The following DCTN2 variants were observed in gnomAD, a reference collection of about 807,000 sequenced individuals.
The protein encoded by DCTN2 is 50 kDa dynein-associated polypeptide.
A neutral mutation model predicts 55.4 loss-of-function variants in DCTN2; 18 were observed. The ratio of observed to expected loss-of-function variants is 0.32; its 90% CI spans 0.22 to 0.48. The LOEUF (loss-of-function observed/expected upper bound fraction) is 0.48. DCTN2 is among the 20% of genes least tolerant of loss of function. The pLI is 0.99. For synonymous variants in DCTN2, 168 were observed against 185.2 expected (o/e 0.91, Z 0.76); for missense variants, 390 against 491.0 (o/e 0.79, Z 1.94).
At chr12:57,540,227 C>A (rs1880588279) in intron 2 of DCTN2, 2 of 754,752 alleles carry the variant, frequency 2.6e-6, no homozygotes, top group Non-Finnish European at 3.2e-6. Context: ...CAAGCTAAAA[C>A]CAGCTTGGGA....
At chr12:57,533,782 AAAAAG>A (rs995213328) in intron 7 of DCTN2, among the ~76,000 whole-genome samples, 166 bp downstream of exon 7, 2 of 152,062 alleles carry the variant, frequency 1.3e-5, no homozygotes, top group East Asian at 1.9e-4. Context: ...AAAAAAAAAA[AAAAAG>A]AAAGAAACAT....
chr12:57,546,528 G>A (rs1191768636), intron 1 of DCTN2, among the ~76,000 whole-genome samples: 1 of 152,102 alleles, frequency 6.6e-6, no homozygotes, highest in Non-Finnish European at 1.5e-5. Flanking sequence ...ACAAAAGGAA[G>A]GTACACGCCA....
chr12:57,531,114 T>G (rs1306159632), intron 13 of DCTN2, among the ~76,000 whole-genome samples: 1 of 152,214 alleles, frequency 6.6e-6, no homozygotes, highest in African/African-American at 2.4e-5. Flanking sequence ...AGGAAAAGGA[T>G]ATTATTCTAA....
chr12:57,543,198 A>G (rs889939371), intron 2 of DCTN2: 40 of 361,620 alleles, frequency 1.1e-4, no homozygotes, highest in South Asian at 8.2e-4. Context: ...AATACAAGAA[A>G]ATTAGCCGGG....
At chr12:57,544,980 C>G (rs1475238744) in intron 2 of DCTN2, among the ~76,000 whole-genome samples, 1 of 152,144 alleles carries the variant, frequency 6.6e-6, no homozygotes, top group Admixed American at 6.5e-5. Context: ...AGGTGTTTCC[C>G]ACAATGTAAG....
chr12:57,530,503 A>G lies in DCTN2; in HGVS notation c.*186T>C. On this transcript the variant is annotated 3_prime_UTR_variant, in exon 14 of 14. Coordinates refer to ENST00000548249, the MANE Select transcript of DCTN2 (RefSeq NM_001261413.2). ...GGAGACCACCTTCTGATGATAACCAACCCCTAGCTACCACTCTGTATTCAT... is the reference window on the plus strand; with the variant it reads ...GGAGACCACCTTCTGATGATAACCAGCCCCTAGCTACCACTCTGTATTCAT... The G allele has an allele frequency of 1.9e-6, 1 of 514,450 alleles. No individual in the cohort carries two copies. The highest frequency in any genetic ancestry group is 3.4e-6 in the Non-Finnish European group (1 of 291,386). The allele number at this position is 514,450 out of a possible 1,614,324, so 31.9% of individuals were successfully genotyped here.
At chr12:57,534,745 G>A (rs1164376871) in intron 5 of DCTN2, among the ~76,000 whole-genome samples, 1 of 152,148 alleles carries the variant, frequency 6.6e-6, no homozygotes, top group African/African-American at 2.4e-5. Flanking sequence ...TGGGCTCACT[G>A]CAACCTCCGC....
At chr12:57,546,872 T>C (rs1235236763) in intron 1 of DCTN2, among the ~76,000 whole-genome samples, 156 bp downstream of exon 1, 2 of 150,704 alleles carry the variant, frequency 1.3e-5, no homozygotes, top group African/African-American at 4.9e-5. Flanking sequence ...GTCAGAAGAG[T>C]TCGGGGGGTG....
chr12:57,547,040 G>A lies in DCTN2; in HGVS notation c.24C>T (p.Asp8=). The A allele has an allele frequency of 7.8e-7, 1 of 1,288,972 alleles. No individual in the cohort carries two copies. Among genetic ancestry groups the A allele is most frequent in the East Asian group, 2.9e-5 (1 of 34,316 alleles). 79.8% of individuals were successfully genotyped at this position (1,288,972 alleles called of 1,614,324 possible). The change falls in exon 1 of 14, where the codon GAC becomes GAT. Residue 8 remains aspartate (D), a synonymous_variant. Transcript: ENST00000548249. The part of the protein sequence containing the change: MADPKYA[D]LPGIARNEPD... ...GTCCTGTACTCACAATGCCGGGAAGGTCGGCGTATTTAGGGTCCGCCATGG... is the reference window on the plus strand; with the variant it reads ...GTCCTGTACTCACAATGCCGGGAAGATCGGCGTATTTAGGGTCCGCCATGG...
At chr12:57,541,083 C>T (rs1215116248) in intron 2 of DCTN2, among the ~76,000 whole-genome samples, 2 of 152,108 alleles carry the variant, frequency 1.3e-5, no homozygotes, top group Non-Finnish European at 2.9e-5. Flanking sequence ...GCCTCATGTT[C>T]AAAAACATTT....
At chr12:57,537,456 C>T (rs1009491803) in intron 2 of DCTN2, among the ~76,000 whole-genome samples, 2 of 150,554 alleles carry the variant, frequency 1.3e-5, no homozygotes, top group Admixed American at 6.6e-5. Flanking sequence ...TTCTAACCTA[C>T]AGCCAGGACT....
chr12:57,544,075 C>A (rs1282709432), intron 2 of DCTN2: 3 of 434,420 alleles, frequency 6.9e-6, no homozygotes, highest in Admixed American at 2.7e-5. Context: ...TGTATCACAG[C>A]GACAAAAGGA....
chr12:57,536,129 A>G (rs1422619954), intron 2 of DCTN2: 6 of 394,390 alleles, frequency 1.5e-5, no homozygotes, highest in Non-Finnish European at 2.3e-5. Flanking sequence ...CCATCCCCCC[A>G]TGCTACCCCT....
rs745940306 is a variant in DCTN2 at position 57,532,044 on chromosome 12, A to C, written c.1090T>G (p.Leu364Val). 6.4e-7 allele frequency: 1 copy of C among 1,565,618 alleles called. No individual in the cohort carries two copies. Among genetic ancestry groups the C allele is most frequent in the Non-Finnish European group, 8.7e-7 (1 of 1,154,316 alleles). Residue 364 changes from leucine (L) to valine (V), a missense_variant, in exon 13 of 14, where the codon TTG (leucine) becomes GTG (valine). Physicochemically the swap from Leu to Val is conservative, Grantham distance 32. Transcript: ENST00000548249. ...GTCAAGAGGGTGGTATTGTCCTTCA[A>C]GGAATTAGCAATCATCTGCTGGGTG... ...DTTQQMIANS[L>V]KDNTTLLTQV...
intron 11 of DCTN2, 56 bp downstream of exon 11, chr12:57,532,516 T>G: frequency 6.3e-7 from 1 of 1,576,976 alleles, no homozygotes; most frequent in Middle Eastern, 1.7e-4. Context: ...GCTTTGACAC[T>G]GCCACTCGGA....
At chr12:57,541,659 G>A (rs1880705600) in intron 2 of DCTN2, among the ~76,000 whole-genome samples, 1 of 152,136 alleles carries the variant, frequency 6.6e-6, no homozygotes, top group African/African-American at 2.4e-5. Context: ...TTCTAATGAG[G>A]TTTTTCTTAA....
rs1879792055 is a variant in DCTN2, at chr12:57,532,199, A to G, written c.1027+14T>C. The G allele has an allele frequency of 1.7e-5, 26 of 1,553,032 alleles. No individual in the cohort carries two copies. Among genetic ancestry groups the G allele is most frequent in the Non-Finnish European group, 2.3e-5 (26 of 1,147,688 alleles). ...TTCAACTTCTCTTAGCACTCCTGGC[A>G]GCTGGCCTCCCACCTTGCTCGTGCA... On this transcript the variant is annotated intron_variant, in intron 12 of 13. Transcript: ENST00000548249.
intron 2 of DCTN2, chr12:57,544,016 A>G (rs1325320729): frequency 1.2e-5 from 5 of 429,290 alleles, no homozygotes; most frequent in South Asian, 6.6e-5. Context: ...AGGGAATGAC[A>G]ATATGTATTT....
intron 7 of DCTN2, 137 bp downstream of exon 7, chr12:57,533,816 A>T (rs1879973641): frequency 2.1e-6 from 2 of 932,242 alleles, no homozygotes; most frequent in Non-Finnish European, 3.1e-6. Flanking sequence ...ACGAATCAGG[A>T]ATCAAAAGAG....
Sources: allele counts gnomAD v4.1 joint callset (sites outside exome capture counted in the v4.1 genomes callset), GRCh38; gene constraint gnomAD v4.1.1; transcripts MANE v1.5; gene names NCBI Gene and HGNC (gene_info 2026-07-23, HGNC 2026-07-21).